Variants in ITPR1 observed in about 807,000 individuals in gnomAD.
The protein encoded by ITPR1 is inositol 1,4,5-trisphosphate-gated calcium channel ITPR1.
In ITPR1, 96 loss-of-function variants were observed where a neutral mutation model predicts 318.4. The ratio of observed to expected loss-of-function variants is 0.30; its 90% CI spans 0.26 to 0.36. ITPR1 has a LOEUF of 0.36. Among genes scored for constraint, ITPR1 ranks in the 10% least tolerant of loss-of-function variants. The probability of loss-of-function intolerance (pLI) is 1.00; values close to 1 mark genes in which losing one functional copy is unlikely to be tolerated. For synonymous variants in ITPR1, 1,312 were observed against 1,289.9 expected, an observed-to-expected ratio of 1.02 and a Z score of -0.37; for missense variants, 2,440 against 3,460.2, an observed-to-expected ratio of 0.71 and a Z score of 7.40.
At chr3:4,784,724 T>TAAA (rs2047067176) in intron 51 of ITPR1, among the ~76,000 whole-genome samples, 1 of 19,882 alleles carries the variant, frequency 5.0e-5, no homozygotes, top group African/African-American at 2.1e-4. Context: ...CCACTAAAAA[T>TAAA]ACAAAAAAAA....
At chr3:4,777,919 C>G (rs1315703096) in intron 48 of ITPR1, among the ~76,000 whole-genome samples, 2 of 152,154 alleles carry the variant, frequency 1.3e-5, no homozygotes, top group African/African-American at 4.8e-5. Context: ...ATTACACAAA[C>G]CAAAAATGTG....
intron 17 of ITPR1, among the ~76,000 whole-genome samples, chr3:4,666,147 C>G (rs2093942661): frequency 6.6e-6 from 1 of 152,162 alleles, no homozygotes; most frequent in African/African-American, 2.4e-5. Flanking sequence ...TTATCATAAC[C>G]TTGACTCTTA....
intron 2 of ITPR1, among the ~76,000 whole-genome samples, chr3:4,509,965 G>A (rs137998407): frequency 1.8e-3 from 277 of 152,362 alleles, no homozygotes; most frequent in African/African-American, 6.4e-3. Context: ...GCAGTCTAGT[G>A]GAGAAGACAA....
In ITPR1 at chr3:4,667,933, AT is replaced by A. The variant is rs202007560; in HGVS notation, c.1886+389del. ...AAAATGTTCTTAATTTTAATTTTTAATTTTTGTGGGTACGTAGTAGGTGTAT... is the reference window on the plus strand; with the variant it reads ...AAAATGTTCTTAATTTTAATTTTTAATTTTGTGGGTACGTAGTAGGTGTAT... On this transcript the variant is annotated intron_variant, in intron 18 of 61. Transcript: ENST00000649015. Among the ~76,000 whole-genome samples the A allele has an allele frequency of 3.8e-4, 58 of 152,238 alleles. No individual in the cohort carries two copies. The East Asian group carries it at 9.8e-3, about 26-fold the overall frequency.
At chr3:4,626,018 A>C (rs2092814367) in intron 4 of ITPR1, among the ~76,000 whole-genome samples, 1 of 152,160 alleles carries the variant, frequency 6.6e-6, no homozygotes, top group Non-Finnish European at 1.5e-5. Flanking sequence ...GTGAAGCCCA[A>C]ATATTAGCTA....
At chr3:4,533,101 G>T (rs999505547) in intron 4 of ITPR1, among the ~76,000 whole-genome samples, 1 of 152,190 alleles carries the variant, frequency 6.6e-6, no homozygotes. Context: ...TCAATAAACA[G>T]CTGGGGAGAG....
intron 2 of ITPR1, among the ~76,000 whole-genome samples, chr3:4,505,621 G>A (rs2081342645): frequency 6.6e-6 from 1 of 152,332 alleles, no homozygotes; most frequent in East Asian, 1.9e-4. Context: ...GAAAGAATGG[G>A]GAAGGCTGAT....
chr3:4,569,224 G>T (rs921664743), intron 4 of ITPR1, among the ~76,000 whole-genome samples: 1 of 152,222 alleles, frequency 6.6e-6, no homozygotes, highest in African/African-American at 2.4e-5. Context: ...AAGCTGGAAA[G>T]TGACATCATT....
chr3:4,822,198 G>A (rs895995020), intron 60 of ITPR1, among the ~76,000 whole-genome samples: 1 of 152,196 alleles, frequency 6.6e-6, no homozygotes, highest in Non-Finnish European at 1.5e-5. Flanking sequence ...CCTGGCAGGT[G>A]GGAGGCATGC....
intron 4 of ITPR1, among the ~76,000 whole-genome samples, chr3:4,543,303 T>A (rs958005851): frequency 4.6e-5 from 7 of 151,738 alleles, no homozygotes; most frequent in African/African-American, 1.7e-4. Flanking sequence ...CAATTCTAGA[T>A]AAGGAACTTT....
Position 4,842,636 on chromosome 3 carries a change from A to C in ITPR1, c.8191-3503A>C, listed in dbSNP as rs546557034. Among the ~76,000 whole-genome samples, 3 of 152,278 alleles carry C rather than the reference A, an allele frequency of 2.0e-5. No individual in the cohort carries two copies. The South Asian group carries it at 6.2e-4, about 32-fold the overall frequency. On this transcript the variant is annotated intron_variant, in intron 61 of 61. Transcript: ENST00000649015. ...GCCTCCCAAAGTGCTGGTATTACGGAGTGAGCCACCATGCCCAGCCGTTTT... is the reference window on the plus strand; with the variant it reads ...GCCTCCCAAAGTGCTGGTATTACGGCGTGAGCCACCATGCCCAGCCGTTTT...
intron 4 of ITPR1, among the ~76,000 whole-genome samples, chr3:4,610,664 A>C (rs1351128949): frequency 6.6e-6 from 1 of 152,142 alleles, no homozygotes; most frequent in Non-Finnish European, 1.5e-5. Context: ...TCTCCTCAGC[A>C]AAGGGTTTAA....
chr3:4,664,384 G>C (rs1214663981), intron 16 of ITPR1, among the ~76,000 whole-genome samples: 1 of 152,168 alleles, frequency 6.6e-6, no homozygotes, highest in Non-Finnish European at 1.5e-5. Context: ...CTGGAGATTA[G>C]CCCACAAACT....
chr3:4,828,581 G>A (rs2050233445), intron 60 of ITPR1, among the ~76,000 whole-genome samples: 1 of 152,134 alleles, frequency 6.6e-6, no homozygotes, highest in Non-Finnish European at 1.5e-5. Flanking sequence ...TGTGTACCAT[G>A]GTCCCTGTGC....
rs537619159 is a variant in ITPR1, at chr3:4,602,699, T to C, written c.164-25064T>C. Reference sequence around the variant, plus strand: ...GTCATAAAAAGGAATGAAGTGCCAGTACCTGCTACAACATGCATGAACCTT... The same window carrying C: ...GTCATAAAAAGGAATGAAGTGCCAGCACCTGCTACAACATGCATGAACCTT... On this transcript the variant is annotated intron_variant, in intron 4 of 61. Coordinates refer to ENST00000649015, the MANE Select transcript of ITPR1 (RefSeq NM_001378452.1). Among the ~76,000 whole-genome samples, 147 of 152,270 alleles carry C rather than the reference T, an allele frequency of 9.7e-4. 1 individual carries two copies. The highest frequency in any genetic ancestry group is 3.5e-3 in the African/African-American group (144 of 41,560).
chr3:4,821,722 A>G (rs991844268), intron 60 of ITPR1, among the ~76,000 whole-genome samples: 24 of 152,088 alleles, frequency 1.6e-4, no homozygotes, highest in Admixed American at 1.6e-3. Flanking sequence ...ACCTTTCCTA[A>G]TTCCTGCTGG....
At position 4,602,800 on chromosome 3, in the gene ITPR1, C is replaced by T. The variant is rs978331969; in HGVS notation, c.164-24963C>T. Among the ~76,000 whole-genome samples the T allele has an allele frequency of 6.6e-5, 10 of 151,806 alleles. No individual in the cohort carries two copies. The East Asian group carries it at 1.3e-3, about 20-fold the overall frequency. ...TTGTGATTCTATTTATGTAAAATAC[C>T]GAGAATTCATAGAGACAGACACTAG... On this transcript the variant is annotated intron_variant, in intron 4 of 61. Transcript: ENST00000649015.
chr3:4,763,894 C>A (rs187548679), intron 44 of ITPR1, among the ~76,000 whole-genome samples: 2 of 152,212 alleles, frequency 1.3e-5, no homozygotes, highest in African/African-American at 2.4e-5. Context: ...TAACAGATGG[C>A]GGGCTTTATT....
intron 21 of ITPR1, 60 bp downstream of exon 21, chr3:4,673,447 A>G (rs750663642): frequency 2.0e-5 from 29 of 1,431,652 alleles, no homozygotes; most frequent in African/African-American, 2.8e-5. Context: ...AGATAGCCCC[A>G]TATGGTCTCA....
Sources: allele counts gnomAD v4.1 joint callset (sites outside exome capture counted in the v4.1 genomes callset), GRCh38; gene constraint gnomAD v4.1.1; transcripts MANE v1.5; gene names NCBI Gene and HGNC (gene_info 2026-07-23, HGNC 2026-07-21).